Variants in FAM13B observed in about 807,000 individuals in gnomAD.
FAM13B encodes the protein protein FAM13B.
In FAM13B, 60 loss-of-function variants were observed where a neutral mutation model predicts 117.3. That is an observed-to-expected ratio of 0.51 (90% CI 0.42 to 0.63). The LOEUF (loss-of-function observed/expected upper bound fraction) is 0.63. Ranked by LOEUF, FAM13B falls within the 30% of genes least tolerant of loss-of-function variation. FAM13B has a pLI of 0.00. For synonymous variants in FAM13B, 332 were observed against 356.1 expected (o/e 0.93, Z 0.76); for missense variants, 972 against 1,091.9 (o/e 0.89, Z 1.55).
intron 4 of FAM13B, among the ~76,000 whole-genome samples, chr5:138,013,963 C>T (rs1784668332): frequency 6.6e-6 from 1 of 152,090 alleles, no homozygotes; most frequent in African/African-American, 2.4e-5. Flanking sequence ...TTCTTTGAGA[C>T]AGGCTGTCGC....
chr5:137,968,367 G>C (rs562453056), intron 10 of FAM13B, among the ~76,000 whole-genome samples: 10 of 151,374 alleles, frequency 6.6e-5, no homozygotes, highest in Non-Finnish European at 1.3e-4. Context: ...CTTGAATCTG[G>C]GAGGTAGAGG....
At chr5:138,016,876 G>A (rs532581877) in intron 4 of FAM13B, among the ~76,000 whole-genome samples, 89 of 152,134 alleles carry the variant, frequency 5.9e-4, no homozygotes, top group African/African-American at 2.1e-3. Flanking sequence ...AAAGAGAATG[G>A]CTCTAGAGTT....
At position 138,006,997 on chromosome 5, in the gene FAM13B, C is replaced by T. The variant is rs765250293; in HGVS notation, c.841G>A (p.Ala281Thr). The stretch of plus-strand genomic sequence containing the variant: ...ATTCAACTGAGCTATTACCTTGTTG[C>T]CGTAACACTATTTGATTCCAGGATG... ...ENILESNSVT[A>T]TSTHISPISI... Residue 281 changes from alanine (A) to threonine (T), a missense_variant, in exon 7 of 24, where the codon GCA becomes ACA. Ala to Thr is a moderately conservative substitution (Grantham distance 58). Transcript: ENST00000689681. 11 of 1,606,454 alleles carry T rather than the reference C, an allele frequency of 6.8e-6. No homozygotes were observed. In the South Asian group the frequency reaches 1.0e-4, roughly 15 times the overall value.
At chr5:137,958,333 C>T (rs1421480966) in intron 13 of FAM13B, among the ~76,000 whole-genome samples, 10 of 152,136 alleles carry the variant, frequency 6.6e-5, no homozygotes, top group Admixed American at 6.5e-4. Context: ...TAATATGCCA[C>T]TGGGCATGCC....
intron 7 of FAM13B, among the ~76,000 whole-genome samples, chr5:138,005,523 A>C (rs979406878): frequency 4.6e-5 from 7 of 152,014 alleles, no homozygotes; most frequent in African/African-American, 1.7e-4. Flanking sequence ...TCAAAATATC[A>C]AGAAAAAAGA....
chr5:137,967,339 G>C (rs1393177672), intron 10 of FAM13B, among the ~76,000 whole-genome samples: 4 of 151,876 alleles, frequency 2.6e-5, no homozygotes, highest in Non-Finnish European at 5.9e-5. Context: ...GCCTGGCCAA[G>C]ATGGTGAAAC....
chr5:137,959,291 G>C (rs80238720), intron 13 of FAM13B, among the ~76,000 whole-genome samples: 3 of 152,146 alleles, frequency 2.0e-5, no homozygotes, highest in African/African-American at 7.2e-5. Context: ...TTAACATACT[G>C]GGCTTCCAAA....
intron 1 of FAM13B, among the ~76,000 whole-genome samples, chr5:138,050,293 C>G (rs565709555): frequency 6.6e-6 from 1 of 151,996 alleles, no homozygotes; most frequent in Non-Finnish European, 1.5e-5. Flanking sequence ...AAAAATTGGC[C>G]AGGCGTGGTG....
intron 13 of FAM13B, among the ~76,000 whole-genome samples, chr5:137,958,799 C>T (rs192302803): frequency 6.6e-6 from 1 of 152,284 alleles, no homozygotes; most frequent in African/African-American, 2.4e-5. Flanking sequence ...TATCCATATA[C>T]CAATCACAAT....
intron 17 of FAM13B, among the ~76,000 whole-genome samples, chr5:137,951,135 G>A (rs991584562): frequency 4.7e-5 from 7 of 149,926 alleles, no homozygotes; most frequent in Middle Eastern, 3.5e-3. Context: ...GCTTCAGCCC[G>A]GGAGGTGGAA....
intron 11 of FAM13B, among the ~76,000 whole-genome samples, chr5:137,961,314 AAACAACAAC>A (rs56832242): frequency 0.013 from 1,925 of 151,252 alleles, 30 homozygotes; most frequent in African/African-American, 0.036. Flanking sequence ...CTTTTTCCAA[AAACAACAAC>A]AACAACAACA....
chr5:137,946,245 T>C lies in FAM13B; in HGVS notation c.2227A>G (p.Ser743Gly). 1.3e-6 allele frequency: 2 copies of C among 1,590,432 alleles called. No individual in the cohort carries two copies. The highest frequency in any genetic ancestry group is 1.7e-6 in the Non-Finnish European group (2 of 1,173,382). The stretch of plus-strand genomic sequence containing the variant: ...GATATTACCGGCCTTCCATGTTGAC[T>C]TTCATAGTAAAGAAGACTTTTCTGA... ...SLQKSLLYYE[S>G]QHGRPVTKEE... Residue 743 changes from serine to glycine, a missense_variant, in exon 19 of 24, where the codon AGT becomes GGT. Ser to Gly is a moderately conservative substitution (Grantham distance 56). Transcript: ENST00000689681.
chr5:137,958,871 T>A (rs1297069942), intron 13 of FAM13B, among the ~76,000 whole-genome samples: 1 of 151,868 alleles, frequency 6.6e-6, no homozygotes, highest in Non-Finnish European at 1.5e-5. Flanking sequence ...AACCATCTTA[T>A]TTTTTTCATG....
At chr5:137,956,706 A>AT (rs3836895) in intron 13 of FAM13B, among the ~76,000 whole-genome samples, 164 bp from the exon 14 acceptor site, 17,546 of 151,028 alleles carry the variant, frequency 0.12, 1,585 homozygotes, top group East Asian at 0.36. Flanking sequence ...TACTAACTAG[A>AT]TTTTAACAAA....
chr5:137,966,611 T>A (rs1011785128), intron 10 of FAM13B, among the ~76,000 whole-genome samples: 1 of 150,580 alleles, frequency 6.6e-6, no homozygotes, highest in Non-Finnish European at 1.5e-5. Flanking sequence ...AAACACCTCA[T>A]TAAAGAAGAT....
At chr5:138,050,056 T>G (rs1014090299) in intron 1 of FAM13B, among the ~76,000 whole-genome samples, 1 of 152,112 alleles carries the variant, frequency 6.6e-6, no homozygotes, top group Non-Finnish European at 1.5e-5. Context: ...GGGGATCGCT[T>G]GAGTCCACAA....
chr5:138,032,981 G>C lies in FAM13B; in HGVS notation c.-402C>G. ...AGCGACCCCCCGGATACCCCCGGCGGTGGTGGCGACGCAGACGCGGAACAG... is the reference window on the plus strand; with the variant it reads ...AGCGACCCCCCGGATACCCCCGGCGCTGGTGGCGACGCAGACGCGGAACAG... On this transcript the variant is annotated 5_prime_UTR_variant, in exon 1 of 24. Coordinates refer to ENST00000689681, the MANE Select transcript of FAM13B (RefSeq NM_001385994.1). 1.0e-6 allele frequency: 1 copy of C among 986,564 alleles called. No individual in the cohort carries two copies. The highest frequency in any genetic ancestry group is 1.2e-6 in the Non-Finnish European group (1 of 830,768). The allele number at this position is 986,564 out of a possible 1,614,324, so 61.1% of individuals were successfully genotyped here.
rs183334616 is a variant in FAM13B at position 137,952,530 on chromosome 5, A to G, written c.1930+98T>C. On this transcript the variant is annotated intron_variant, in intron 17 of 23. Transcript: ENST00000689681. ...TTTTATTTTTGTCAAACAGTGCCCA[A>G]GATTTAAAATTATCAAAAGTTGTAT... The G allele has an allele frequency of 2.0e-4, 167 of 817,892 alleles. 1 individual carries two copies. The African/African-American group carries it at 2.6e-3, about 13-fold the overall frequency. 50.7% of individuals were successfully genotyped at this position (817,892 alleles called of 1,614,324 possible).
Position 137,939,589 on chromosome 5 carries a change from A to G in FAM13B, c.*636T>C, listed in dbSNP as rs2150083107. The G allele has an allele frequency of 6.2e-6, 1 of 161,572 alleles. No individual in the cohort carries two copies. The highest frequency in any genetic ancestry group is 6.1e-5 in the Admixed American group (1 of 16,372). The allele number at this position is 161,572 out of a possible 1,614,324, so 10.0% of individuals were successfully genotyped here. Reference sequence around the variant, plus strand: ...AGCGAGGTCACCTTTTGGTCTACCAACTGTTATCTTCATCCGGGAGCTGTG... The same window carrying G: ...AGCGAGGTCACCTTTTGGTCTACCAGCTGTTATCTTCATCCGGGAGCTGTG... On this transcript the variant is annotated 3_prime_UTR_variant, in exon 24 of 24. Coordinates refer to ENST00000689681, the MANE Select transcript of FAM13B (RefSeq NM_001385994.1).
Sources: allele counts gnomAD v4.1 joint callset (sites outside exome capture counted in the v4.1 genomes callset), GRCh38; gene constraint gnomAD v4.1.1; transcripts MANE v1.5; gene names NCBI Gene and HGNC (gene_info 2026-07-23, HGNC 2026-07-21).